The following ZNF496 variants were observed in gnomAD, a reference collection of about 807,000 sequenced individuals.
The protein encoded by ZNF496 is zinc finger protein 496, also known as NSD1 (nuclear receptor binding SET-domain containing 1)-interacting zinc finger protein 1.
A neutral mutation model predicts 58.9 loss-of-function variants in ZNF496; 11 were observed. That is an observed-to-expected ratio of 0.19 (90% CI 0.12 to 0.31). The LOEUF is 0.31. ZNF496 is among the 10% of genes least tolerant of loss of function. ZNF496 has a pLI of 1.00. For synonymous variants in ZNF496, 338 were observed against 318.2 expected (o/e 1.06, Z -0.66); for missense variants, 660 against 783.0 (o/e 0.84, Z 1.88).
chr1:247,303,901 T>G (rs1659324151), intron 9 of ZNF496: 2 of 174,478 alleles, frequency 1.1e-5, no homozygotes, highest in African/African-American at 4.8e-5. Context: ...GATTCACGGA[T>G]CCAATCAACC....
rs191796440 is a variant in ZNF496, at chr1:247,327,283, C to T, written c.574+1400G>A. ...TTCACCATCTTGGCCAGGCTGGTCTCGAACTCCTGACCTCAGGTGATCCGC... is the reference window on the plus strand; with the variant it reads ...TTCACCATCTTGGCCAGGCTGGTCTTGAACTCCTGACCTCAGGTGATCCGC... On this transcript the variant is annotated intron_variant, in intron 5 of 9. Transcript: ENST00000682384. Among the ~76,000 whole-genome samples, 57 of 152,304 alleles carry T rather than the reference C, an allele frequency of 3.7e-4. 1 individual carries two copies. The East Asian group carries it at 7.5e-3, about 20-fold the overall frequency.
At chr1:247,302,311 T>C (rs987233028) in intron 9 of ZNF496, among the ~76,000 whole-genome samples, 1 of 151,404 alleles carries the variant, frequency 6.6e-6, no homozygotes, top group African/African-American at 2.4e-5. Flanking sequence ...ACACAGAGGC[T>C]ATGGAGAGCA....
In ZNF496 at chr1:247,329,388, C is replaced by A. The variant is rs1052687443; in HGVS notation, c.191G>T (p.Trp64Leu). 1.9e-6 allele frequency: 3 copies of A among 1,613,316 alleles called. No homozygotes were observed. Among genetic ancestry groups the A allele is most frequent in the African/African-American group, 2.7e-5 (2 of 74,932 alleles). ...AGPREALQRL[W>L]DLCGGWLRPE... is the part of the protein sequence containing the mutation. ...CCGCAGCCAGCCCCCGCACAGGTCC[C>A]AGAGGCGCTGCAGGGCCTCCCGGGG... The change falls in exon 4 of 10, where the codon TGG (tryptophan) becomes TTG (leucine). Residue 64 changes from tryptophan to leucine, a missense_variant. Physicochemically the swap from Trp to Leu is moderately conservative, Grantham distance 61. Coordinates refer to ENST00000682384, the MANE Select transcript of ZNF496 (RefSeq NM_032752.3). This position sits in a 1 kb window ranked among gnomAD's most constrained non-coding sequence, Gnocchi z 5.5.
chr1:247,322,453 T>C (rs960900766), intron 6 of ZNF496, among the ~76,000 whole-genome samples: 1 of 152,084 alleles, frequency 6.6e-6, no homozygotes. Flanking sequence ...CCTGTTCCCA[T>C]GGGAGGGGAT....
chr1:247,315,732 A>C (rs935316473), intron 6 of ZNF496, among the ~76,000 whole-genome samples: 6 of 152,230 alleles, frequency 3.9e-5, no homozygotes, highest in Non-Finnish European at 8.8e-5. Context: ...CTAACTTTAA[A>C]ATTAATTCCA....
chr1:247,300,477 G>A lies in ZNF496; in HGVS notation c.*42C>T. 5.1e-6 allele frequency: 8 copies of A among 1,563,932 alleles called. No individual in the cohort carries two copies. Among genetic ancestry groups the A allele is most frequent in the Non-Finnish European group, 6.9e-6 (8 of 1,153,516 alleles). On this transcript the variant is annotated 3_prime_UTR_variant, in exon 10 of 10. Transcript: ENST00000682384. The surrounding 1 kb of genome is among the most constrained non-coding windows in gnomAD (Gnocchi z 5.7). ...GGCGCTGATCAGTACCAAGGTGAGG[G>A]GGCAGCACCAGCCAGGGTGAGGCCG... is the stretch of plus-strand genomic sequence containing the variant.
intron 5 of ZNF496, among the ~76,000 whole-genome samples, chr1:247,324,968 C>T (rs900717295): frequency 1.3e-5 from 2 of 152,252 alleles, no homozygotes; most frequent in Non-Finnish European, 2.9e-5. Flanking sequence ...GCCACATCCC[C>T]TGCCAACAGT....
rs181209741 is a variant in ZNF496 at position 247,326,945 on chromosome 1, G to A, written c.574+1738C>T. On this transcript the variant is annotated intron_variant, in intron 5 of 9. Transcript: ENST00000682384. ...CTCTTCCTTTCCCTGAAAGAAAACC[G>A]CCCGTCATCAAGAGTCCTGGCACAA... Among the ~76,000 whole-genome samples, 42 of 152,144 alleles carry A rather than the reference G, an allele frequency of 2.8e-4. No individual in the cohort carries two copies. In the East Asian group the frequency reaches 3.5e-3, roughly 13 times the overall value.
Position 247,328,992 on chromosome 1 carries a change from G to A in ZNF496, c.391-126C>T, listed in dbSNP as rs1433045116. ...CTTAGGCCTTGGACTGGGCTGTAAA[G>A]GGGCACGACACTATCATGCCCAAAT... is the stretch of plus-strand genomic sequence containing the variant. On this transcript the variant is annotated intron_variant, in intron 4 of 9. Transcript: ENST00000682384. 4 of 1,389,112 alleles carry A rather than the reference G, an allele frequency of 2.9e-6. No homozygotes were observed. In the African/African-American group the frequency reaches 5.8e-5, roughly 20 times the overall value. 86.0% of individuals were successfully genotyped at this position (1,389,112 alleles called of 1,614,324 possible).
chr1:247,307,348 A>C (rs1441073072), intron 9 of ZNF496: 1 of 985,322 alleles, frequency 1.0e-6, no homozygotes. Context: ...TCTGTGTCAG[A>C]GTCCAGCAAG....
At position 247,309,615 on chromosome 1, in the gene ZNF496, G is replaced by GAGA; in HGVS notation, c.892+81_892+83dup. 6.4e-7 allele frequency: 1 copy of GAGA among 1,567,190 alleles called. No individual in the cohort carries two copies. Among genetic ancestry groups the GAGA allele is most frequent in the Non-Finnish European group, 8.7e-7 (1 of 1,155,344 alleles). ...GAAGAAGGCAATTAGGGGCCGCAGA[G>GAGA]AGAAGCCAGAGAGTGGGCTCACCTC... On this transcript the variant is annotated intron_variant, in intron 8 of 9. Transcript: ENST00000682384. This position sits in a 1 kb window ranked among gnomAD's most constrained non-coding sequence, Gnocchi z 4.3.
At chr1:247,312,923 G>A (rs1659650654) in intron 6 of ZNF496, 1 of 151,974 alleles carries the variant, frequency 6.6e-6, no homozygotes. Context: ...AATCCATTTG[G>A]GCTGCTCTAA....
At chr1:247,302,262 G>C (rs117422170) in intron 9 of ZNF496, among the ~76,000 whole-genome samples, 7 of 152,116 alleles carry the variant, frequency 4.6e-5, no homozygotes, top group African/African-American at 1.7e-4. Context: ...GAGCAGCTCA[G>C]GACAGGAGAA....
Position 247,329,901 on chromosome 1 carries a change from G to T in ZNF496, c.-38+65C>A. ...AGTGGTGGCATTTCAACGTGACACT[G>T]CTGTTTTGAGCATCCCAGGAAACCA... On this transcript the variant is annotated intron_variant, in intron 3 of 9. Coordinates refer to ENST00000682384, the MANE Select transcript of ZNF496 (RefSeq NM_032752.3). The surrounding 1 kb of genome is among the most constrained non-coding windows in gnomAD (Gnocchi z 5.5). 1 of 282,450 alleles carries T rather than the reference G, an allele frequency of 3.5e-6. No individual in the cohort carries two copies. Among genetic ancestry groups the T allele is most frequent in the Non-Finnish European group, 6.5e-6 (1 of 153,046 alleles). The allele number at this position is 282,450 out of a possible 1,614,324, so 17.5% of individuals were successfully genotyped here. A position where few individuals can be genotyped will look rare whatever the true frequency, so the allele number is the denominator to read the frequency against.
chr1:247,300,309 A>C lies in ZNF496; in HGVS notation c.*210T>G. 2.0e-6 allele frequency: 1 copy of C among 498,836 alleles called. No individual in the cohort carries two copies. The highest frequency in any genetic ancestry group is 3.4e-6 in the Non-Finnish European group (1 of 294,614). The allele number at this position is 498,836 out of a possible 1,614,324, so 30.9% of individuals were successfully genotyped here. The stretch of plus-strand genomic sequence containing the variant: ...TCCCCCCCGTTTTTTGGCACAGCAG[A>C]AACAGAACACTCACTTGGCCACTCT... On this transcript the variant is annotated 3_prime_UTR_variant, in exon 10 of 10. Coordinates refer to ENST00000682384, the MANE Select transcript of ZNF496 (RefSeq NM_032752.3). This position sits in a 1 kb window ranked among gnomAD's most constrained non-coding sequence, Gnocchi z 5.7.
At chr1:247,314,725 C>T (rs547949915) in intron 6 of ZNF496, among the ~76,000 whole-genome samples, 18 of 152,258 alleles carry the variant, frequency 1.2e-4, no homozygotes, top group African/African-American at 3.4e-4. Flanking sequence ...ACCCAGGACA[C>T]GGCTGGGAAG....
intron 6 of ZNF496, among the ~76,000 whole-genome samples, chr1:247,318,188 G>T (rs537495878): frequency 6.6e-6 from 1 of 152,270 alleles, no homozygotes; most frequent in South Asian, 2.1e-4. Flanking sequence ...CTGAACAACA[G>T]AGAGAATACA....
chr1:247,327,975 G>A (rs4925535), intron 5 of ZNF496, among the ~76,000 whole-genome samples: 140,353 of 152,228 alleles, frequency 0.92, 65,492 homozygotes, highest in East Asian at 1. Context: ...TCAACCTTTT[G>A]TAGGTTGTAT....
intron 9 of ZNF496, among the ~76,000 whole-genome samples, chr1:247,302,850 G>A (rs1043404059): frequency 2.6e-5 from 4 of 152,192 alleles, no homozygotes; most frequent in Non-Finnish European, 5.9e-5. Flanking sequence ...AGAGCAAGGT[G>A]TAACTTTTAC....
Sources: allele counts gnomAD v4.1 joint callset (sites outside exome capture counted in the v4.1 genomes callset), GRCh38; gene constraint gnomAD v4.1.1; non-coding constraint Gnocchi (gnomAD v3.1); transcripts MANE v1.5; gene names NCBI Gene and HGNC (gene_info 2026-07-23, HGNC 2026-07-21).